Variants in MAPT observed in about 807,000 individuals in gnomAD.
The protein encoded by MAPT is microtubule associated protein tau.
In MAPT, 34 loss-of-function variants were observed where a neutral mutation model predicts 67.9. The observed-to-expected ratio is 0.50, with a 90% confidence interval of 0.38 to 0.67. The LOEUF is 0.67. Ranked by LOEUF, MAPT falls within the 30% of genes least tolerant of loss-of-function variation. MAPT has a pLI of 0.00. For synonymous variants in MAPT, 456 were observed against 464.5 expected (o/e 0.98, Z 0.23); for missense variants, 881 against 1,115.2 (o/e 0.79, Z 2.99).
At position 45,930,997 on chromosome 17, in the gene MAPT, G is replaced by A. The variant is rs1403874891; in HGVS notation, c.-17-31324G>A. ...CCCCAAGAAGTCACTGCAAACCTTC[G>A]TATTATTGAGCTTCACATCCTAGAA... On this transcript the variant is annotated intron_variant, in intron 1 of 12. Coordinates refer to ENST00000262410, the MANE Select transcript of MAPT (RefSeq NM_001377265.1). Among the ~76,000 whole-genome samples, 6 of 152,296 alleles carry A rather than the reference G, an allele frequency of 3.9e-5. No homozygotes were observed. The East Asian group carries it at 7.7e-4, about 20-fold the overall frequency.
chr17:45,988,998 G>C (rs972191387), intron 6 of MAPT, among the ~76,000 whole-genome samples: 3 of 152,150 alleles, frequency 2.0e-5, no homozygotes, highest in African/African-American at 7.2e-5. Flanking sequence ...GCACATGTGT[G>C]GTGGGGGTGG....
Position 45,921,938 on chromosome 17 carries a change from G to A in MAPT, c.-18+27252G>A, listed in dbSNP as rs185307125. On this transcript the variant is annotated intron_variant, in intron 1 of 12. Coordinates refer to ENST00000262410, the MANE Select transcript of MAPT (RefSeq NM_001377265.1). ...AAAGCACCTAAGCCCGGGACCCTCA[G>A]CAAGTGTTCTTGAGTCACAGATTCT... Among the ~76,000 whole-genome samples, 35 of 152,116 alleles carry A rather than the reference G, an allele frequency of 2.3e-4. No individual in the cohort carries two copies. In the East Asian group the frequency reaches 6.0e-3, roughly 26 times the overall value.
intron 11 of MAPT, among the ~76,000 whole-genome samples, chr17:46,014,641 A>G (rs966336567): frequency 2.6e-5 from 4 of 152,158 alleles, no homozygotes; most frequent in Admixed American, 2.0e-4. Flanking sequence ...TTGGGAGGCC[A>G]AGGTGGGTGG....
intron 6 of MAPT, among the ~76,000 whole-genome samples, chr17:45,988,903 A>G: frequency 6.6e-6 from 1 of 152,150 alleles, no homozygotes; most frequent in Admixed American, 6.5e-5. Context: ...ACAAACAAAC[A>G]AACAAACAAA....
chr17:45,959,668 C>G (rs1568235719), intron 1 of MAPT, among the ~76,000 whole-genome samples: 1 of 152,204 alleles, frequency 6.6e-6, no homozygotes. Context: ...GTAATCCCAG[C>G]TACTCGGGAG....
chr17:45,907,844 T>A (rs979206818), intron 1 of MAPT: 4 of 152,190 alleles, frequency 2.6e-5, no homozygotes. Flanking sequence ...GAGGTGGGGA[T>A]TATTATCCTC....
chr17:45,984,878 C>CTAA (rs1377283619), intron 5 of MAPT, among the ~76,000 whole-genome samples: 1 of 152,228 alleles, frequency 6.6e-6, no homozygotes, highest in Admixed American at 6.5e-5. Flanking sequence ...GGACCCTTAG[C>CTAA]ATTTCACAGT....
intron 2 of MAPT, among the ~76,000 whole-genome samples, chr17:45,964,196 G>GT (rs373491850): frequency 4.4e-4 from 67 of 150,730 alleles, no homozygotes; most frequent in African/African-American, 1.1e-3. Flanking sequence ...CCTTTGTTTT[G>GT]TTTTTTTTTG....
rs2065126909 is a variant in MAPT at position 45,915,457 on chromosome 17, T to TG, written c.-18+20771_-18+20772insG. 7.5e-5 allele frequency among the ~76,000 whole-genome samples: 9 copies of TG among 119,840 alleles called. No individual in the cohort carries two copies. The highest frequency in any genetic ancestry group is 1.3e-4 in the Non-Finnish European group (6 of 46,752). The allele number at this position is 119,840 out of a possible 152,430, so 78.6% of individuals were successfully genotyped here. Reference sequence around the variant, plus strand: ...TGGTGTGTAAGCATGTGTGAGTGTGTATGTTTGAGCATGTGTGGTGTGTTG... The same window carrying TG: ...TGGTGTGTAAGCATGTGTGAGTGTGTGATGTTTGAGCATGTGTGGTGTGTTG... On this transcript the variant is annotated intron_variant, in intron 1 of 12. Coordinates refer to ENST00000262410, the MANE Select transcript of MAPT (RefSeq NM_001377265.1). The surrounding 1 kb of genome is among the most constrained non-coding windows in gnomAD (Gnocchi z 4.4).
intron 1 of MAPT, among the ~76,000 whole-genome samples, chr17:45,908,630 A>G (rs1030070825): frequency 5.3e-5 from 8 of 152,226 alleles, no homozygotes; most frequent in South Asian, 2.1e-4. Flanking sequence ...TGGGGAACAG[A>G]GAAGGGAGGA....
At chr17:45,900,779 A>T (rs573585123) in intron 1 of MAPT, among the ~76,000 whole-genome samples, 1 of 152,188 alleles carries the variant, frequency 6.6e-6, no homozygotes, top group African/African-American at 2.4e-5. Context: ...TCACTGTGAG[A>T]CCTAAGCCAT....
At chr17:45,920,396 G>A (rs966524375) in intron 1 of MAPT, among the ~76,000 whole-genome samples, 8 of 152,154 alleles carry the variant, frequency 5.3e-5, no homozygotes, top group East Asian at 1.9e-4. Flanking sequence ...TTTATCTCCC[G>A]GGGAAACTGA....
chr17:45,985,293 G>A (rs2073427310), intron 5 of MAPT, among the ~76,000 whole-genome samples: 1 of 152,078 alleles, frequency 6.6e-6, no homozygotes, highest in Non-Finnish European at 1.5e-5. Flanking sequence ...GCGACAGAGT[G>A]AGACTCTGTC....
At chr17:46,014,614 C>T (rs2076034573) in intron 11 of MAPT, among the ~76,000 whole-genome samples, 1 of 152,144 alleles carries the variant, frequency 6.6e-6, no homozygotes, top group Non-Finnish European at 1.5e-5. Flanking sequence ...GTGGCTCACG[C>T]CTGTAATTCC....
At chr17:45,908,583 G>A (rs2064501364) in intron 1 of MAPT, among the ~76,000 whole-genome samples, 2 of 152,156 alleles carry the variant, frequency 1.3e-5, no homozygotes, top group African/African-American at 4.8e-5. Flanking sequence ...CTACACCAAT[G>A]TGGTTCACAC....
At chr17:45,988,931 G>C (rs2073829309) in intron 6 of MAPT, among the ~76,000 whole-genome samples, 1 of 151,820 alleles carries the variant, frequency 6.6e-6, no homozygotes, top group South Asian at 2.1e-4. Context: ...ACATTGGCCA[G>C]ATTAGGATTC....
intron 12 of MAPT, among the ~76,000 whole-genome samples, chr17:46,020,549 A>G (rs2076464334): frequency 6.6e-6 from 1 of 152,088 alleles, no homozygotes; most frequent in Admixed American, 6.6e-5. Flanking sequence ...ATGAAGACAT[A>G]CCCGATACTG....
At chr17:45,951,479 TC>T (rs771417351) in intron 1 of MAPT, among the ~76,000 whole-genome samples, 3 of 152,136 alleles carry the variant, frequency 2.0e-5, no homozygotes, top group Non-Finnish European at 2.9e-5. Flanking sequence ...CCCCTCGCCC[TC>T]CGACGTCTTC....
intron 1 of MAPT, among the ~76,000 whole-genome samples, chr17:45,932,544 C>A (rs1568191379): frequency 7.2e-6 from 1 of 138,968 alleles, no homozygotes; most frequent in African/African-American, 2.6e-5. Flanking sequence ...GAGCCGAGAT[C>A]TATCTGCACC....
Sources: allele counts gnomAD v4.1 joint callset (sites outside exome capture counted in the v4.1 genomes callset), GRCh38; gene constraint gnomAD v4.1.1; non-coding constraint Gnocchi (gnomAD v3.1); transcripts MANE v1.5; gene names NCBI Gene and HGNC (gene_info 2026-07-23, HGNC 2026-07-21).